Variants in RRH observed in about 807,000 individuals in gnomAD.
RRH encodes the protein retinal pigment epithelium-derived rhodopsin homolog, also known as visual pigment-like receptor peropsin.
In RRH, 36 loss-of-function variants were observed where a neutral mutation model predicts 33.1. The observed-to-expected ratio is 1.09, with a 90% CI of 0.83 to 1.44. The LOEUF (loss-of-function observed/expected upper bound fraction) is 1.44, where lower values mean the gene tolerates loss of function less well. Among genes scored for constraint, RRH ranks in the 40% most tolerant of loss-of-function variants. The pLI is 0.00. For missense variants in RRH, 393 were observed against 420.2 expected (o/e 0.94, Z 0.57); for synonymous variants, 124 against 140.2 (o/e 0.88, Z 0.82).
At chr4:109,829,936 A>G (rs1248835688) in intron 1 of RRH, among the ~76,000 whole-genome samples, 1 of 152,172 alleles carries the variant, frequency 6.6e-6, no homozygotes, top group East Asian at 1.9e-4. Flanking sequence ...TCCTCCTTTA[A>G]CAAAACTCAC....
intron 1 of RRH, 54 bp from the exon 2 acceptor site, chr4:109,833,085 C>A (rs1407196694): frequency 7.0e-7 from 1 of 1,433,150 alleles, no homozygotes; most frequent in Non-Finnish European, 9.8e-7. Flanking sequence ...TTTGAGTCTA[C>A]TTTGAAACAT....
At chr4:109,832,754 G>T (rs1307931413) in intron 1 of RRH, among the ~76,000 whole-genome samples, 2 of 152,006 alleles carry the variant, frequency 1.3e-5, no homozygotes, top group African/African-American at 2.4e-5. Context: ...AGAGCCCCAG[G>T]CCCCAGGAAG....
chr4:109,833,176 C>T lies in RRH; in HGVS notation c.144C>T (p.Gly48=). 1.9e-6 allele frequency: 3 copies of T among 1,613,602 alleles called. No individual in the cohort carries two copies. The highest frequency in any genetic ancestry group is 2.5e-6 in the Non-Finnish European group (3 of 1,179,578). The change falls in exon 2 of 7, where the codon GGC becomes GGT. Residue 48 remains glycine (G), a synonymous_variant. Coordinates refer to ENST00000317735, the MANE Select transcript of RRH (RefSeq NM_006583.5). ...TTATCAGCAACATAATAGTTCTGGGCATCTTCATTAAGTACAAGGAACTTC... is the reference window on the plus strand; with the variant it reads ...TTATCAGCAACATAATAGTTCTGGGTATCTTCATTAAGTACAAGGAACTTC... ...ISIISNIIVL[G]IFIKYKELRT...
intron 1 of RRH, among the ~76,000 whole-genome samples, chr4:109,829,062 T>TGTAGAA (rs1007426988): frequency 6.6e-6 from 1 of 152,142 alleles, no homozygotes; most frequent in African/African-American, 2.4e-5. Flanking sequence ...TCTAACGAGT[T>TGTAGAA]GTAGAAGTAA....
chr4:109,840,169 A>G (rs948086793), intron 5 of RRH, among the ~76,000 whole-genome samples: 1 of 151,602 alleles, frequency 6.6e-6, no homozygotes, highest in Non-Finnish European at 1.5e-5. Context: ...TCTGACTGGT[A>G]TGAGATTGTA....
intron 1 of RRH, among the ~76,000 whole-genome samples, chr4:109,832,831 T>C (rs941223830): frequency 2.4e-4 from 37 of 152,090 alleles, no homozygotes; most frequent in Admixed American, 2.1e-3. Context: ...TAAAAATCAG[T>C]AGGAATGGTA....
chr4:109,841,025 A>G (rs1205894803), intron 5 of RRH, among the ~76,000 whole-genome samples: 1 of 152,100 alleles, frequency 6.6e-6, no homozygotes, highest in African/African-American at 2.4e-5. Flanking sequence ...AACAAATACA[A>G]TCCTATCTTG....
At chr4:109,840,285 A>G (rs1466974545) in intron 5 of RRH, among the ~76,000 whole-genome samples, 3 of 151,268 alleles carry the variant, frequency 2.0e-5, no homozygotes, top group Middle Eastern at 3.4e-3. Context: ...ATGCCTGTTC[A>G]TGTCCCTTGC....
rs987539872 is a variant in RRH, at chr4:109,844,781, G to T, written c.*584G>T. ...ATTTTGATGTTTTCTGCAATTTTGAGTACCATTTTTCTGCATATATATTCC... is the reference window on the plus strand; with the variant it reads ...ATTTTGATGTTTTCTGCAATTTTGATTACCATTTTTCTGCATATATATTCC... On this transcript the variant is annotated 3_prime_UTR_variant, in exon 7 of 7. Transcript: ENST00000317735. Among the ~76,000 whole-genome samples the T allele has an allele frequency of 6.6e-6, 1 of 152,032 alleles. No individual in the cohort carries two copies. Among genetic ancestry groups the T allele is most frequent in the African/African-American group, 2.4e-5 (1 of 41,396 alleles).
At chr4:109,833,662 CAAT>C (rs1448829945) in intron 2 of RRH, among the ~76,000 whole-genome samples, 1 of 151,998 alleles carries the variant, frequency 6.6e-6, no homozygotes, top group African/African-American at 2.4e-5. Flanking sequence ...TCATCTGAAA[CAAT>C]AAAGTAGTGA....
At chr4:109,841,026 T>G (rs930907796) in intron 5 of RRH, among the ~76,000 whole-genome samples, 1 of 152,160 alleles carries the variant, frequency 6.6e-6, no homozygotes, top group African/African-American at 2.4e-5. Context: ...ACAAATACAA[T>G]CCTATCTTGA....
intron 1 of RRH, among the ~76,000 whole-genome samples, chr4:109,830,576 A>T (rs937264528): frequency 4.6e-5 from 7 of 152,154 alleles, no homozygotes; most frequent in African/African-American, 1.7e-4. Flanking sequence ...GATGCTCTTC[A>T]TCAGATGGGA....
chr4:109,839,757 C>CAGCTCCA (rs1733952484), intron 5 of RRH, among the ~76,000 whole-genome samples: 3 of 152,182 alleles, frequency 2.0e-5, no homozygotes, highest in African/African-American at 7.2e-5. Context: ...TAATGGCCTC[C>CAGCTCCA]AGCTCCATCG....
chr4:109,833,431 A>G (rs1733804999), intron 2 of RRH, 102 bp downstream of exon 2: 4 of 904,810 alleles, frequency 4.4e-6, no homozygotes, highest in East Asian at 2.6e-5. Context: ...ATATTGTAGA[A>G]TAATAGATAC....
At chr4:109,839,561 G>T (rs182319412) in intron 5 of RRH, among the ~76,000 whole-genome samples, 4 of 151,996 alleles carry the variant, frequency 2.6e-5, no homozygotes, top group African/African-American at 4.8e-5. Flanking sequence ...GACTATCCAG[G>T]TATTAAGCCC....
At chr4:109,842,791 A>T in intron 6 of RRH, 144 bp downstream of exon 6, 2 of 732,290 alleles carry the variant, frequency 2.7e-6, no homozygotes, top group Non-Finnish European at 4.7e-6. Flanking sequence ...AGCATCTAGG[A>T]CCTTAAATGC....
intron 5 of RRH, among the ~76,000 whole-genome samples, chr4:109,838,392 C>G (rs1304101840): frequency 1.3e-5 from 2 of 152,138 alleles, no homozygotes; most frequent in African/African-American, 4.8e-5. Context: ...ACTGATTGCT[C>G]CTGAGGACCA....
At position 109,833,217 on chromosome 4, in the gene RRH, CAAT is replaced by C; in HGVS notation, c.186_188del (p.Ile65del). 1 of 1,613,702 alleles carries C rather than the reference CAAT, an allele frequency of 6.2e-7. No homozygotes were observed. On this transcript the variant is annotated inframe_deletion, in exon 2 of 7. Transcript: ENST00000317735. ...AAGGAACTTCGGACACCCACAAATG[CAAT>C]TATTATTAACCTGGCTGTTACTGAT...
At position 109,844,131 on chromosome 4, in the gene RRH, A is replaced by C; in HGVS notation, c.948A>C (p.Thr316=). 1 of 1,614,040 alleles carries C rather than the reference A, an allele frequency of 6.2e-7. No individual in the cohort carries two copies. The highest frequency in any genetic ancestry group is 8.5e-7 in the Non-Finnish European group (1 of 1,179,910). ...TGTTCAAATGTCAGACTCACCAAAC[A>C]ATGCCTGTGACAAGTATTTTACCCA... The part of the protein sequence containing the change: ...LAMFKCQTHQ[T]MPVTSILPMD... Residue 316 remains threonine, a synonymous_variant, in exon 7 of 7, where the codon ACA becomes ACC. Transcript: ENST00000317735.
Sources: gnomAD v4.1 joint callset for allele counts (sites outside exome capture counted in the v4.1 genomes callset) on GRCh38, gnomAD v4.1.1 for gene constraint, MANE v1.5 for transcripts, NCBI Gene and HGNC (gene_info 2026-07-23, HGNC 2026-07-21) for gene names.